AGBL4: variants seen among roughly 807,000 people sequenced by gnomAD.
AGBL4 encodes AGBL carboxypeptidase 4.
Under a neutral mutation model 66.4 loss-of-function variants are expected in AGBL4, and 58 were observed. That is an observed-to-expected ratio of 0.87 (90% CI 0.71 to 1.09). The LOEUF (loss-of-function observed/expected upper bound fraction) is 1.09, where lower values mean the gene tolerates loss of function less well. Among genes scored for constraint, AGBL4 ranks in the 50% least tolerant of loss-of-function variants. AGBL4 has a pLI of 0.00. For missense variants in AGBL4, 579 were observed against 631.0 expected (o/e 0.92, Z 0.88); for synonymous variants, 234 against 222.9 (o/e 1.05, Z -0.44).
chr1:48,675,476 G>A (rs753138167), intron 6 of AGBL4, among the ~76,000 whole-genome samples: 18 of 152,216 alleles, frequency 1.2e-4, no homozygotes, highest in African/African-American at 1.4e-4. Flanking sequence ...CCTCATCAAC[G>A]TGGCTGAAAC....
intron 2 of AGBL4, among the ~76,000 whole-genome samples, chr1:49,763,800 C>T (rs915696965): frequency 3.3e-5 from 5 of 152,160 alleles, no homozygotes; most frequent in African/African-American, 1.2e-4. Flanking sequence ...GCCATGGATA[C>T]CTGAGCAGAC....
At chr1:49,037,852 A>G (rs1664789271) in intron 5 of AGBL4, among the ~76,000 whole-genome samples, 1 of 152,064 alleles carries the variant, frequency 6.6e-6, no homozygotes, top group Admixed American at 6.6e-5. Context: ...GATGCTCACT[A>G]GATATTTGTA....
intron 3 of AGBL4, among the ~76,000 whole-genome samples, chr1:49,546,138 T>C (rs1433694767): frequency 6.6e-6 from 1 of 152,170 alleles, no homozygotes; most frequent in Non-Finnish European, 1.5e-5. Flanking sequence ...TGTTTGGTTT[T>C]CCATTTCTGA....
intron 3 of AGBL4, among the ~76,000 whole-genome samples, chr1:49,622,281 A>T (rs1246024093): frequency 1.3e-5 from 2 of 152,190 alleles, no homozygotes. Flanking sequence ...AGGTGTAAGA[A>T]TTTTGATAGT....
At chr1:49,189,744 C>T (rs913574947) in intron 4 of AGBL4, among the ~76,000 whole-genome samples, 4 of 152,116 alleles carry the variant, frequency 2.6e-5, no homozygotes, top group Non-Finnish European at 5.9e-5. Context: ...TAATGCTTTG[C>T]TTGCTGAGAA....
intron 3 of AGBL4, among the ~76,000 whole-genome samples, chr1:49,499,071 G>A (rs2148759584): frequency 6.6e-6 from 1 of 152,124 alleles, no homozygotes; most frequent in South Asian, 2.1e-4. Context: ...TCCTGGCCTT[G>A]TAAAATGAGT....
At chr1:49,145,073 T>C (rs960723429) in intron 4 of AGBL4, among the ~76,000 whole-genome samples, 2 of 152,060 alleles carry the variant, frequency 1.3e-5, no homozygotes, top group African/African-American at 4.8e-5. Context: ...AGGGAAACAA[T>C]AGCAGCAAAA....
At chr1:48,820,005 G>C (rs1646275576) in intron 6 of AGBL4, among the ~76,000 whole-genome samples, 1 of 152,178 alleles carries the variant, frequency 6.6e-6, no homozygotes. Context: ...CTTCTGCATT[G>C]TGCTGTGTGT....
intron 2 of AGBL4, among the ~76,000 whole-genome samples, chr1:49,771,838 T>C (rs1303466666): frequency 6.6e-6 from 1 of 152,066 alleles, no homozygotes; most frequent in African/African-American, 2.4e-5. Context: ...TATTTTTCCA[T>C]CCCTTCATTT....
intron 3 of AGBL4, among the ~76,000 whole-genome samples, chr1:49,573,583 G>A (rs1000115738): frequency 2.6e-5 from 4 of 152,096 alleles, no homozygotes; most frequent in Admixed American, 6.6e-5. Flanking sequence ...TGAACCCAGG[G>A]ATTCTGTCTC....
At chr1:48,846,693 A>C (rs562302655) in intron 6 of AGBL4, among the ~76,000 whole-genome samples, 1 of 152,228 alleles carries the variant, frequency 6.6e-6, no homozygotes, top group Admixed American at 6.5e-5. Context: ...ATGCAGATAT[A>C]AGGGAATAGT....
At chr1:49,655,334 G>T (rs529271450) in intron 3 of AGBL4, among the ~76,000 whole-genome samples, 1 of 152,176 alleles carries the variant, frequency 6.6e-6, no homozygotes, top group Admixed American at 6.5e-5. Flanking sequence ...TTCCCTTTGC[G>T]GGTAACCCAA....
chr1:49,196,583 A>G (rs1249849295), intron 4 of AGBL4, among the ~76,000 whole-genome samples: 1 of 151,900 alleles, frequency 6.6e-6, no homozygotes, highest in Non-Finnish European at 1.5e-5. Flanking sequence ...GTTTTTTCAT[A>G]CTTTCTGTAT....
chr1:48,995,239 C>T (rs944309175), intron 5 of AGBL4, among the ~76,000 whole-genome samples: 1 of 152,176 alleles, frequency 6.6e-6, no homozygotes, highest in African/African-American at 2.4e-5. Flanking sequence ...ATCTGATGTG[C>T]CCAGCTTGGT....
intron 3 of AGBL4, among the ~76,000 whole-genome samples, chr1:49,516,385 T>C (rs1649826392): frequency 6.6e-6 from 1 of 151,924 alleles, no homozygotes. Context: ...CCCAAATAAA[T>C]AGATGTTAAA....
chr1:49,644,144 T>C (rs2124418779), intron 3 of AGBL4, among the ~76,000 whole-genome samples: 1 of 151,722 alleles, frequency 6.6e-6, no homozygotes, highest in South Asian at 2.1e-4. Flanking sequence ...AGACAGACTG[T>C]GATAAATTGA....
intron 6 of AGBL4, among the ~76,000 whole-genome samples, chr1:48,668,306 T>C (rs1646221995): frequency 6.6e-6 from 1 of 152,158 alleles, no homozygotes; most frequent in Admixed American, 6.5e-5. Context: ...CCCTTTCCAG[T>C]GCACCCTCTG....
intron 9 of AGBL4, among the ~76,000 whole-genome samples, chr1:48,596,880 A>G (rs1243280781): frequency 2.6e-5 from 4 of 152,282 alleles, no homozygotes; most frequent in Admixed American, 2.6e-4. Flanking sequence ...AAAGAAAGGA[A>G]CAACCACGTA....
intron 5 of AGBL4, among the ~76,000 whole-genome samples, chr1:48,905,864 T>C (rs1652537247): frequency 6.6e-6 from 1 of 152,236 alleles, no homozygotes. Flanking sequence ...TGCCTAGTAG[T>C]ATTCATCCAT....
Sources: allele counts gnomAD v4.1 joint callset (sites outside exome capture counted in the v4.1 genomes callset), GRCh38; gene constraint gnomAD v4.1.1; transcripts MANE v1.5; gene names NCBI Gene and HGNC (gene_info 2026-07-23, HGNC 2026-07-21).